Variants in RSPO4 observed in about 807,000 individuals in gnomAD.
RSPO4 encodes the protein R-spondin-4.
In RSPO4, 23 loss-of-function variants were observed where a neutral mutation model predicts 24.8. That is an observed-to-expected ratio of 0.93 (90% CI 0.67 to 1.31). The LOEUF (loss-of-function observed/expected upper bound fraction) is 1.31. Ranked by LOEUF, RSPO4 falls within the 40% of genes most tolerant of loss-of-function variation. RSPO4 has a pLI of 0.00. For synonymous variants in RSPO4, 141 were observed against 127.4 expected (o/e 1.11, Z -0.72); for missense variants, 333 against 316.5 (o/e 1.05, Z -0.39).
At chr20:978,279 A>G (rs1984630203) in intron 1 of RSPO4, among the ~76,000 whole-genome samples, 1 of 152,192 alleles carries the variant, frequency 6.6e-6, no homozygotes, top group Non-Finnish European at 1.5e-5. Context: ...CTTCTGTAAA[A>G]TGGGGACGAT....
rs757922232 is a variant in RSPO4 at position 970,772 on chromosome 20, CG to C, written c.80-2635del. On this transcript the variant is annotated intron_variant, in intron 1 of 4. Transcript: ENST00000217260. The surrounding 1 kb of genome is among the most constrained non-coding windows in gnomAD (Gnocchi z 4.1). ...TCACCTTAGATAGGAGTGTAAACTT[CG>C]GGGAAAAATCTAGCAGTACCTAATA... 1.1e-4 allele frequency among the ~76,000 whole-genome samples: 16 copies of C among 152,142 alleles called. No homozygotes were observed. Among genetic ancestry groups the C allele is most frequent in the Non-Finnish European group, 2.4e-4 (16 of 68,020 alleles).
intron 1 of RSPO4, among the ~76,000 whole-genome samples, chr20:996,394 G>A (rs1015174437): frequency 2.6e-5 from 4 of 152,254 alleles, no homozygotes; most frequent in Admixed American, 2.0e-4. Flanking sequence ...TGAACAAACC[G>A]TATCCATGTG....
At chr20:977,852 G>A (rs1289025980) in intron 1 of RSPO4, among the ~76,000 whole-genome samples, 4 of 151,984 alleles carry the variant, frequency 2.6e-5, no homozygotes, top group Non-Finnish European at 4.4e-5. Context: ...GCTGGGCAGC[G>A]CATCCTCCGA....
At position 994,061 on chromosome 20, in the gene RSPO4, A is replaced by C. The variant is rs118101529; in HGVS notation, c.79+8025T>G. Among the ~76,000 whole-genome samples the C allele has an allele frequency of 4.0e-3, 616 of 152,332 alleles. 5 individuals are homozygous for C. Among genetic ancestry groups the C allele is most frequent in the Non-Finnish European group, 7.3e-3 (496 of 68,036 alleles). On this transcript the variant is annotated intron_variant, in intron 1 of 4. Transcript: ENST00000217260. The stretch of plus-strand genomic sequence containing the variant: ...TTAAGGTAATTTAATCAATTAATAC[A>C]TACAAAGTACATAGAACAGTGTCTG...
chr20:979,914 G>C (rs1044035375), intron 1 of RSPO4, among the ~76,000 whole-genome samples: 8 of 152,086 alleles, frequency 5.3e-5, no homozygotes, highest in Non-Finnish European at 1.2e-4. Context: ...CCACCTGATA[G>C]GTTCTAAATT....
chr20:977,216 C>T (rs1600094328), intron 1 of RSPO4, among the ~76,000 whole-genome samples: 1 of 152,216 alleles, frequency 6.6e-6, no homozygotes, highest in East Asian at 1.9e-4. Context: ...TTCATTAGGT[C>T]TGGGCAGGGC....
chr20:995,335 C>T (rs1005050901), intron 1 of RSPO4, among the ~76,000 whole-genome samples: 2 of 152,190 alleles, frequency 1.3e-5, no homozygotes, highest in Non-Finnish European at 2.9e-5. Flanking sequence ...CCAGCTCACA[C>T]ATGTATTTGC....
chr20:982,142 G>A (rs1250248507), intron 1 of RSPO4, among the ~76,000 whole-genome samples: 1 of 152,196 alleles, frequency 6.6e-6, no homozygotes, highest in Non-Finnish European at 1.5e-5. Context: ...GCAGCCAGAT[G>A]AGTTCGGGAC....
chr20:969,955 C>T lies in RSPO4; in HGVS notation c.80-1817G>A, dbSNP rs367905791. 3.3e-5 allele frequency among the ~76,000 whole-genome samples: 5 copies of T among 152,334 alleles called. No homozygotes were observed. In the East Asian group the frequency reaches 7.7e-4, roughly 24 times the overall value. The stretch of plus-strand genomic sequence containing the variant: ...CCCGGCAGGAAACATTCTTGGCTCT[C>T]CAGCTCTCAGATGCTCCCCTCTTCC... On this transcript the variant is annotated intron_variant, in intron 1 of 4. Coordinates refer to ENST00000217260, the MANE Select transcript of RSPO4 (RefSeq NM_001029871.4).
chr20:1,002,267 G>T lies in RSPO4; in HGVS notation c.-103C>A. 1.6e-6 allele frequency: 1 copy of T among 612,726 alleles called. No individual in the cohort carries two copies. The highest frequency in any genetic ancestry group is 2.2e-6 in the Non-Finnish European group (1 of 458,074). 38.0% of individuals were successfully genotyped at this position (612,726 alleles called of 1,614,324 possible). A position where few individuals can be genotyped will look rare whatever the true frequency, so the allele number is the denominator to read the frequency against. On this transcript the variant is annotated 5_prime_UTR_variant, in exon 1 of 5. Coordinates refer to ENST00000217260, the MANE Select transcript of RSPO4 (RefSeq NM_001029871.4). The surrounding 1 kb of genome is among the most constrained non-coding windows in gnomAD (Gnocchi z 4.6). ...CGGGCGCGGGGGCTGCTGTGGGCGC[G>T]CCGGGCGCATCCGCCAGGCGCGGGT...
intron 1 of RSPO4, among the ~76,000 whole-genome samples, chr20:997,947 G>T (rs1050188556): frequency 6.6e-6 from 1 of 152,226 alleles, no homozygotes; most frequent in African/African-American, 2.4e-5. Context: ...AATGGGAAGG[G>T]AAAGTGGTCA....
chr20:982,616 A>C (rs1984775626), intron 1 of RSPO4, among the ~76,000 whole-genome samples: 1 of 152,156 alleles, frequency 6.6e-6, no homozygotes, highest in African/African-American at 2.4e-5. Context: ...AAGTAGACTC[A>C]GACAGGTTCT....
intron 1 of RSPO4, among the ~76,000 whole-genome samples, chr20:1,001,533 T>C (rs1194135870): frequency 7.2e-5 from 11 of 152,152 alleles, no homozygotes; most frequent in Admixed American, 7.2e-4. Flanking sequence ...TCATCCCCTA[T>C]TAGAATAAGT....
rs1045844121 is a variant in RSPO4, at chr20:958,931, G to A, written c.*1426C>T. 1 of 152,472 alleles carries A rather than the reference G, an allele frequency of 6.6e-6. No individual in the cohort carries two copies. Among genetic ancestry groups the A allele is most frequent in the Non-Finnish European group, 1.5e-5 (1 of 68,292 alleles). The allele number at this position is 152,472 out of a possible 1,614,324, so 9.4% of individuals were successfully genotyped here. A position where few individuals can be genotyped will look rare whatever the true frequency, so the allele number is the denominator to read the frequency against. ...GATTCCGGGGAGCAGAGCAGGAAGG[G>A]GGTGTTATGATGGCAGAAGGATAGG... is the stretch of plus-strand genomic sequence containing the variant. On this transcript the variant is annotated 3_prime_UTR_variant, in exon 5 of 5. Transcript: ENST00000217260.
intron 1 of RSPO4, among the ~76,000 whole-genome samples, chr20:990,982 C>T (rs1255510326): frequency 6.6e-6 from 1 of 152,214 alleles, no homozygotes; most frequent in Non-Finnish European, 1.5e-5. Context: ...CTGAGCGTCC[C>T]ACTAGCGTCC....
At chr20:973,165 TG>T (rs149475587) in intron 1 of RSPO4, among the ~76,000 whole-genome samples, 1 of 152,146 alleles carries the variant, frequency 6.6e-6, no homozygotes, top group East Asian at 1.9e-4. Flanking sequence ...CCTGGGGCCA[TG>T]GGGGTGAGCC....
intron 1 of RSPO4, among the ~76,000 whole-genome samples, chr20:999,459 C>T (rs899118067): frequency 6.6e-6 from 1 of 152,184 alleles, no homozygotes; most frequent in Non-Finnish European, 1.5e-5. Context: ...TTATCTAGCT[C>T]TGGTCCCCAC....
At chr20:992,196 C>T (rs556497284) in intron 1 of RSPO4, among the ~76,000 whole-genome samples, 20 of 151,724 alleles carry the variant, frequency 1.3e-4, no homozygotes, top group African/African-American at 3.6e-4. Context: ...CACACGCACA[C>T]GGATGCATGT....
chr20:987,518 G>A (rs1486927025), intron 1 of RSPO4, among the ~76,000 whole-genome samples: 2 of 152,112 alleles, frequency 1.3e-5, no homozygotes, highest in African/African-American at 4.8e-5. Flanking sequence ...AGGTGCGGTG[G>A]CTCACACCTG....
Sources: gnomAD v4.1 joint callset for allele counts (sites outside exome capture counted in the v4.1 genomes callset) on GRCh38, gnomAD v4.1.1 for gene constraint, Gnocchi (gnomAD v3.1) non-coding constraint, MANE v1.5 for transcripts, NCBI Gene and HGNC (gene_info 2026-07-23, HGNC 2026-07-21) for gene names.